Variants in NEDD1 observed in about 807,000 individuals in gnomAD.
The protein encoded by NEDD1 is NEDD1 gamma-tubulin ring complex targeting factor, also known as protein NEDD1.
Under a neutral mutation model 74.0 loss-of-function variants are expected in NEDD1, and 33 were observed. The ratio of observed to expected loss-of-function variants is 0.45; its 90% CI spans 0.34 to 0.60. The LOEUF is 0.60. NEDD1 is among the 20% of genes least tolerant of loss of function. NEDD1 has a pLI of 0.01. For synonymous variants in NEDD1, 250 were observed against 264.4 expected, an observed-to-expected ratio of 0.95 and a Z score of 0.53; for missense variants, 746 against 776.5, an observed-to-expected ratio of 0.96 and a Z score of 0.47.
In NEDD1 at chr12:96,917,651, A is replaced by G. The variant is rs775674416; in HGVS notation, c.262A>G (p.Thr88Ala). 1.9e-6 allele frequency: 3 copies of G among 1,539,238 alleles called. No homozygotes were observed. Among genetic ancestry groups the G allele is most frequent in the East Asian group, 4.8e-5 (2 of 41,760 alleles). ...GCAGACATGTGTCAATTTAAATTCT[A>G]CATCTATGTATTTGGTAAGCGGAGG... ...QKQTCVNLNS[T>A]SMYLVSGGLN... Residue 88 changes from threonine (T) to alanine (A), a missense_variant, in exon 5 of 16, where the codon ACA becomes GCA. Thr to Ala is a moderately conservative substitution (Grantham distance 58). Transcript: ENST00000266742.
intron 4 of NEDD1, among the ~76,000 whole-genome samples, chr12:96,917,178 G>A (rs1473191593): frequency 6.6e-6 from 1 of 152,094 alleles, no homozygotes; most frequent in Non-Finnish European, 1.5e-5. Context: ...TTATCCCATC[G>A]GTAAAATGAG....
intron 6 of NEDD1, among the ~76,000 whole-genome samples, chr12:96,929,910 G>A (rs1876192438): frequency 6.6e-6 from 1 of 152,084 alleles, no homozygotes; most frequent in Admixed American, 6.6e-5. Context: ...TGGCCACCAT[G>A]CTTTTCTGTG....
chr12:96,923,202 C>G (rs181722996), intron 6 of NEDD1, among the ~76,000 whole-genome samples: 1 of 151,972 alleles, frequency 6.6e-6, no homozygotes, highest in African/African-American at 2.4e-5. Flanking sequence ...AATAGTAGTT[C>G]ATACTGTATT....
rs1877865801 is a variant in NEDD1 at position 96,943,442 on chromosome 12, C to T, written c.1295-118C>T. 2.3e-5 allele frequency: 16 copies of T among 698,168 alleles called. 1 individual carries two copies. The South Asian group carries it at 2.4e-4, about 10-fold the overall frequency. 43.2% of individuals were successfully genotyped at this position (698,168 alleles called of 1,614,324 possible). ...GGGTGTATCTGAGAAACAAACCAGT[C>T]TTCAGAATGCAGATCCATATCTTCT... is the stretch of plus-strand genomic sequence containing the variant. On this transcript the variant is annotated intron_variant, in intron 11 of 15. Coordinates refer to ENST00000266742, the MANE Select transcript of NEDD1 (RefSeq NM_152905.4).
intron 6 of NEDD1, among the ~76,000 whole-genome samples, chr12:96,932,489 A>ATATATATATATATATATATATATAG (rs1201702643): frequency 8.5e-5 from 5 of 58,506 alleles, no homozygotes; most frequent in Non-Finnish European, 1.9e-4. Context: ...TATATATATA[A>ATATATATATATATATATATATATAG]AATGCACACA....
At chr12:96,949,076 C>T (rs973327145) in intron 14 of NEDD1, among the ~76,000 whole-genome samples, 6 of 152,094 alleles carry the variant, frequency 3.9e-5, no homozygotes, top group African/African-American at 1.4e-4. Flanking sequence ...TCTTAATACT[C>T]CCCCACCCAG....
chr12:96,932,190 T>C (rs73370508), intron 6 of NEDD1, among the ~76,000 whole-genome samples: 191 of 151,406 alleles, frequency 1.3e-3, no homozygotes, highest in African/African-American at 4.5e-3. Context: ...ACTGCCGGGA[T>C]TTTTTCCCCC....
chr12:96,935,092 C>G lies in NEDD1; in HGVS notation c.606C>G (p.Asp202Glu), dbSNP rs764452619. 1 of 1,611,062 alleles carries G rather than the reference C, an allele frequency of 6.2e-7. No homozygotes were observed. Among genetic ancestry groups the G allele is most frequent in the Non-Finnish European group, 8.5e-7 (1 of 1,177,184 alleles). ...VNSQSPYHNF[D>E]SVHKAPASGI... ...GTCAGAGTCCATACCATAACTTTGA[C>G]AGTGTACACAAAGCTCCAGCGTCAG... The change falls in exon 7 of 16, where the codon GAC becomes GAG. Residue 202 changes from aspartate to glutamate, a missense_variant. Asp to Glu is a conservative substitution (Grantham distance 45). Transcript: ENST00000266742.
intron 11 of NEDD1, 48 bp from the exon 12 acceptor site, chr12:96,943,512 C>G: frequency 7.7e-7 from 1 of 1,304,636 alleles, no homozygotes; most frequent in Non-Finnish European, 1.1e-6. Flanking sequence ...TCTTCAATGT[C>G]CAAAATTGGA....
At chr12:96,937,439 TTG>T (rs1877243333) in intron 9 of NEDD1, 46 bp downstream of exon 9, 2 of 1,110,862 alleles carry the variant, frequency 1.8e-6, no homozygotes, top group Non-Finnish European at 1.2e-6. Context: ...TGTTTTTTTT[TTG>T]TTTTTTTGTT....
chr12:96,915,360 G>A (rs545935103), intron 4 of NEDD1, among the ~76,000 whole-genome samples: 14 of 152,284 alleles, frequency 9.2e-5, no homozygotes, highest in African/African-American at 1.7e-4. Flanking sequence ...GTATTTGAAC[G>A]TGCAATGGGG....
In NEDD1 at chr12:96,953,744, C is replaced by T. The variant is rs1878898408; in HGVS notation, c.*1691C>T. ...TGGCCAAAATGATATGAGAGATTTA[C>T]CTTCCCACCTGAAATTAAAAAAGAA... On this transcript the variant is annotated 3_prime_UTR_variant, in exon 16 of 16. Transcript: ENST00000266742. 6.6e-6 allele frequency: 1 copy of T among 151,752 alleles called. No individual in the cohort carries two copies. The highest frequency in any genetic ancestry group is 6.6e-5 in the Admixed American group (1 of 15,226). 9.4% of individuals were successfully genotyped at this position (151,752 alleles called of 1,614,324 possible).
At chr12:96,950,768 A>G (rs1352971104) in intron 14 of NEDD1, among the ~76,000 whole-genome samples, 1 of 151,902 alleles carries the variant, frequency 6.6e-6, no homozygotes, top group Non-Finnish European at 1.5e-5. Flanking sequence ...AGAATCAGAC[A>G]GGAACACACA....
At chr12:96,940,353 A>G (rs1877540269) in intron 9 of NEDD1, 56 bp from the exon 10 acceptor site, 5 of 1,076,164 alleles carry the variant, frequency 4.6e-6, no homozygotes, top group Non-Finnish European at 6.8e-6. Flanking sequence ...AACCTAGCTT[A>G]TGATAAAATT....
At position 96,907,519 on chromosome 12, in the gene NEDD1, G is replaced by A. The variant is rs994719841; in HGVS notation, c.-261-85G>A. On this transcript the variant is annotated intron_variant, in intron 1 of 15. Coordinates refer to ENST00000266742, the MANE Select transcript of NEDD1 (RefSeq NM_152905.4). Reference sequence around the variant, plus strand: ...GGTCGCGCACCTCCCGGAGCCTTGTGGGGTGTGCTGCCTCCGAAAAGTTTG... The same window carrying A: ...GGTCGCGCACCTCCCGGAGCCTTGTAGGGTGTGCTGCCTCCGAAAAGTTTG... The A allele has an allele frequency of 5.5e-5, 61 of 1,118,732 alleles. No homozygotes were observed. In the Middle Eastern group the frequency reaches 5.8e-4, roughly 11 times the overall value. The allele number at this position is 1,118,732 out of a possible 1,614,324, so 69.3% of individuals were successfully genotyped here.
chr12:96,914,491 A>AT, intron 4 of NEDD1, among the ~76,000 whole-genome samples: 1 of 152,128 alleles, frequency 6.6e-6, no homozygotes, highest in East Asian at 1.9e-4. Flanking sequence ...TTGAGTTCAA[A>AT]TTTTCAATCT....
At chr12:96,944,498 C>A in intron 12 of NEDD1, 141 bp from the exon 13 acceptor site, 3 of 429,726 alleles carry the variant, frequency 7.0e-6, no homozygotes, top group Non-Finnish European at 4.1e-6. Flanking sequence ...TTTTCTTTTT[C>A]TTCTTCTATA....
At chr12:96,948,714 G>A (rs78569440) in intron 14 of NEDD1, among the ~76,000 whole-genome samples, 1,522 of 152,198 alleles carry the variant, frequency 0.01, 67 homozygotes, top group East Asian at 0.094. Context: ...TGGTTACTAG[G>A]TTCAGGTTTT....
chr12:96,911,711 G>C (rs1873934897), intron 3 of NEDD1, among the ~76,000 whole-genome samples: 1 of 152,136 alleles, frequency 6.6e-6, no homozygotes. Flanking sequence ...GAGAAAAGTA[G>C]TGGTAAACAG....
Sources: allele counts gnomAD v4.1 joint callset (sites outside exome capture counted in the v4.1 genomes callset), GRCh38; gene constraint gnomAD v4.1.1; transcripts MANE v1.5; gene names NCBI Gene and HGNC (gene_info 2026-07-23, HGNC 2026-07-21).